The following RBFOX1 variants were observed in gnomAD, a reference collection of about 807,000 sequenced individuals.
RBFOX1 encodes RNA binding fox-1 homolog 1, also known as RNA binding protein fox-1 homolog 1.
Under a neutral mutation model 57.7 loss-of-function variants are expected in RBFOX1, and 8 were observed. That is an observed-to-expected ratio of 0.14 (90% CI 0.08 to 0.25). The LOEUF is 0.25. Among genes scored for constraint, RBFOX1 ranks in the 10% least tolerant of loss-of-function variants. RBFOX1 has a pLI of 1.00. For missense variants in RBFOX1, 611 were observed against 548.5 expected (o/e 1.11, Z -1.14); for synonymous variants, 326 against 222.4 (o/e 1.47, Z -4.15).
chr16:6,312,966 A>G (rs1488455506), intron 1 of RBFOX1, among the ~76,000 whole-genome samples: 2 of 152,174 alleles, frequency 1.3e-5, no homozygotes, highest in African/African-American at 2.4e-5. Flanking sequence ...TGGATGCAAA[A>G]TGCAAACTGG....
At chr16:6,993,711 C>G (rs1440341795) in intron 3 of RBFOX1, among the ~76,000 whole-genome samples, 3 of 152,152 alleles carry the variant, frequency 2.0e-5, no homozygotes, top group African/African-American at 4.8e-5. Context: ...TCCCTCCAAT[C>G]CAATTTGCGT....
At chr16:6,352,157 A>G (rs1314428811) in intron 2 of RBFOX1, among the ~76,000 whole-genome samples, 1 of 151,942 alleles carries the variant, frequency 6.6e-6, no homozygotes, top group East Asian at 1.9e-4. Context: ...CAGCTATCTC[A>G]AGTCCCAGAC....
intron 11 of RBFOX1, among the ~76,000 whole-genome samples, chr16:7,639,665 C>T (rs562479441): frequency 1.5e-4 from 23 of 152,230 alleles, no homozygotes; most frequent in African/African-American, 5.5e-4. Context: ...TGGGAAGTAA[C>T]ACCCAACAGG....
intron 3 of RBFOX1, among the ~76,000 whole-genome samples, chr16:6,698,472 T>TTATC (rs2061367520): frequency 6.6e-6 from 1 of 152,192 alleles, no homozygotes; most frequent in Admixed American, 6.5e-5. Context: ...AATCCTGTCA[T>TTATC]TATCTCTTCC....
chr16:6,650,587 C>T (rs1225836821), intron 2 of RBFOX1, among the ~76,000 whole-genome samples: 1 of 152,208 alleles, frequency 6.6e-6, no homozygotes, highest in African/African-American at 2.4e-5. Context: ...AGCACAGTTC[C>T]TGGCACGAAA....
At chr16:6,916,650 C>T (rs953550818) in intron 3 of RBFOX1, among the ~76,000 whole-genome samples, 2 of 152,064 alleles carry the variant, frequency 1.3e-5, no homozygotes, top group East Asian at 1.9e-4. Context: ...TCTGGATGGT[C>T]ATCACGACCT....
intron 4 of RBFOX1, among the ~76,000 whole-genome samples, chr16:7,187,490 C>T (rs930482701): frequency 1.3e-5 from 2 of 151,392 alleles, no homozygotes; most frequent in East Asian, 2.0e-4. Flanking sequence ...GAGATCGAGA[C>T]CATCCTGGCT....
chr16:6,323,263 G>C (rs2082013134), intron 2 of RBFOX1, among the ~76,000 whole-genome samples: 1 of 152,148 alleles, frequency 6.6e-6, no homozygotes, highest in Non-Finnish European at 1.5e-5. Context: ...GTAAGGAAGA[G>C]GGAAGCCCAG....
At chr16:6,214,691 A>G (rs1200790002) in intron 1 of RBFOX1, among the ~76,000 whole-genome samples, 42 of 48,612 alleles carry the variant, frequency 8.6e-4, no homozygotes, top group South Asian at 2.0e-3. Context: ...GAGAGGGAGA[A>G]GGAAAGGGGG....
chr16:7,250,862 TTAAAAAAA>T (rs1200777683), intron 4 of RBFOX1, among the ~76,000 whole-genome samples: 1 of 152,190 alleles, frequency 6.6e-6, no homozygotes, highest in African/African-American at 2.4e-5. Flanking sequence ...GGGTGATTCT[TTAAAAAAA>T]TAATAACGAA....
chr16:6,706,146 G>T (rs1419275650), intron 3 of RBFOX1, among the ~76,000 whole-genome samples: 1 of 152,182 alleles, frequency 6.6e-6, no homozygotes, highest in African/African-American at 2.4e-5. Context: ...TCTTTGTTGT[G>T]TCAGGGTTTG....
intron 3 of RBFOX1, among the ~76,000 whole-genome samples, chr16:6,874,603 C>T (rs73540683): frequency 4.2e-4 from 63 of 150,696 alleles, no homozygotes; most frequent in African/African-American, 1.4e-3. Flanking sequence ...TGAAGTAACT[C>T]AGGAATGGAA....
chr16:7,238,124 G>T (rs1214715395), intron 4 of RBFOX1, among the ~76,000 whole-genome samples: 1 of 152,146 alleles, frequency 6.6e-6, no homozygotes, highest in Admixed American at 6.5e-5. Context: ...TATATGAGGT[G>T]CCCATAGTTG....
At chr16:6,616,851 A>G (rs962180358) in intron 2 of RBFOX1, among the ~76,000 whole-genome samples, 5 of 152,216 alleles carry the variant, frequency 3.3e-5, no homozygotes, top group African/African-American at 9.6e-5. Flanking sequence ...ACTAGAGACT[A>G]TGGGCCACCT....
intron 1 of RBFOX1, among the ~76,000 whole-genome samples, chr16:6,197,871 C>G (rs1458144076): frequency 6.6e-6 from 1 of 152,040 alleles, no homozygotes. Flanking sequence ...CATCATTTAG[C>G]TTCCACTTGT....
At chr16:7,482,220 C>G (rs2064143612) in intron 4 of RBFOX1, among the ~76,000 whole-genome samples, 1 of 152,188 alleles carries the variant, frequency 6.6e-6, no homozygotes, top group Non-Finnish European at 1.5e-5. Context: ...GGCACAGTGC[C>G]TGGTGCATTG....
chr16:6,327,629 C>A (rs1245924385), intron 2 of RBFOX1, among the ~76,000 whole-genome samples: 1 of 152,030 alleles, frequency 6.6e-6, no homozygotes, highest in Non-Finnish European at 1.5e-5. Flanking sequence ...AGAATCTATA[C>A]CTTCAAGAAA....
intron 4 of RBFOX1, among the ~76,000 whole-genome samples, chr16:5,892,090 C>T (rs1399267626): frequency 6.6e-6 from 1 of 152,184 alleles, no homozygotes; most frequent in East Asian, 1.9e-4. Flanking sequence ...AGTGTTCTGT[C>T]CTTACGGCAC....
chr16:7,059,944 G>T (rs554602490), intron 4 of RBFOX1, among the ~76,000 whole-genome samples: 1 of 152,214 alleles, frequency 6.6e-6, no homozygotes, highest in South Asian at 2.1e-4. Flanking sequence ...ATGAAAACAC[G>T]ATTCAAAAAT....
Sources: gnomAD v4.1 joint callset for allele counts (sites outside exome capture counted in the v4.1 genomes callset) on GRCh38, gnomAD v4.1.1 for gene constraint, MANE v1.5 for transcripts, NCBI Gene and HGNC (gene_info 2026-07-23, HGNC 2026-07-21) for gene names.